Variants in WNK2 observed in about 807,000 individuals in gnomAD.
WNK2 encodes the protein WNK lysine deficient protein kinase 2, also known as serine/threonine-protein kinase WNK2.
A neutral mutation model predicts 192.1 loss-of-function variants in WNK2; 67 were observed. The ratio of observed to expected loss-of-function variants is 0.35; its 90% CI spans 0.29 to 0.43. WNK2 has a LOEUF of 0.43. WNK2 is among the 20% of genes least tolerant of loss of function. The pLI, the probability that WNK2 is intolerant of heterozygous loss-of-function variation, is 1.00. For synonymous variants in WNK2, 1,439 were observed against 1,393.9 expected, an observed-to-expected ratio of 1.03 and a Z score of -0.72; for missense variants, 2,698 against 3,089.7, an observed-to-expected ratio of 0.87 and a Z score of 3.01.
chr9:93,269,085 G>A lies in WNK2; in HGVS notation c.4033+339G>A, dbSNP rs111885613. ...TGCTCCTGTCCCTTTCCTCTGTGCC[G>A]CACACCTGCAGCAGACACGCCTCTG... On this transcript the variant is annotated intron_variant, in intron 19 of 29. Transcript: ENST00000427277. The A allele has an allele frequency of 2.0e-4, 160 of 796,040 alleles. No individual in the cohort carries two copies. The African/African-American group carries it at 2.0e-3, about 10-fold the overall frequency. The allele number at this position is 796,040 out of a possible 1,614,324, so 49.3% of individuals were successfully genotyped here.
rs761769543 is a variant in WNK2 at position 93,202,325 on chromosome 9, C to CGTGTGTGTGTGTGTGTGT, written c.681+16740_681+16757dup. 8.3e-4 allele frequency among the ~76,000 whole-genome samples: 108 copies of CGTGTGTGTGTGTGTGTGT among 130,640 alleles called. 3 individuals are homozygous for CGTGTGTGTGTGTGTGTGT. The highest frequency in any genetic ancestry group is 3.8e-3 in the Middle Eastern group (1 of 262). 85.7% of individuals were successfully genotyped at this position (130,640 alleles called of 152,430 possible). Reference sequence around the variant, plus strand: ...GGGCCTCTGCTGGGCTCCGTGTGCACGTGTGTGTGTGTGTGTGTGTGTGTG... The same window carrying CGTGTGTGTGTGTGTGTGT: ...GGGCCTCTGCTGGGCTCCGTGTGCACGTGTGTGTGTGTGTGTGTGTGTGTGTGTGTGTGTGTGTGTGTG... On this transcript the variant is annotated intron_variant, in intron 2 of 29. Transcript: ENST00000427277.
intron 23 of WNK2, among the ~76,000 whole-genome samples, chr9:93,293,917 C>G (rs527709170): frequency 6.6e-6 from 1 of 152,060 alleles, no homozygotes; most frequent in Non-Finnish European, 1.5e-5. Context: ...TCCTATCTGT[C>G]TCTCCTTTCT....
chr9:93,311,717 C>G (rs148480367), intron 28 of WNK2, among the ~76,000 whole-genome samples: 162 of 152,094 alleles, frequency 1.1e-3, no homozygotes, highest in African/African-American at 3.7e-3. Context: ...CCTCTACCCT[C>G]TAGGTTCAAG....
At chr9:93,228,309 G>A (rs921461524) in intron 2 of WNK2, among the ~76,000 whole-genome samples, 13 of 152,150 alleles carry the variant, frequency 8.5e-5, no homozygotes, top group African/African-American at 3.1e-4. Context: ...CGATCCTGCC[G>A]CCTGCTTCTC....
At chr9:93,264,633 G>A (rs1280949908) in intron 16 of WNK2, among the ~76,000 whole-genome samples, 2 of 152,196 alleles carry the variant, frequency 1.3e-5, no homozygotes, top group African/African-American at 2.4e-5. Flanking sequence ...CTGAAAGCAC[G>A]CACGAAGAAA....
chr9:93,319,075 T>C, intron 29 of WNK2: 1 of 1,613,072 alleles, frequency 6.2e-7, no homozygotes, highest in Non-Finnish European at 8.5e-7. Context: ...GCCCTGTTCC[T>C]TGAGTGAAGT....
intron 23 of WNK2, among the ~76,000 whole-genome samples, chr9:93,293,848 TTTCA>T (rs1849774340): frequency 6.6e-6 from 1 of 151,968 alleles, no homozygotes; most frequent in African/African-American, 2.4e-5. Context: ...CTCTCTCCCC[TTTCA>T]TTCCTTCTCT....
intron 9 of WNK2, among the ~76,000 whole-genome samples, chr9:93,254,634 G>A (rs1202223736): frequency 6.6e-6 from 1 of 152,210 alleles, no homozygotes; most frequent in African/African-American, 2.4e-5. Flanking sequence ...TTCACAAAAT[G>A]AAGTGAAATA....
chr9:93,304,960 C>T (rs1282429396), intron 26 of WNK2, among the ~76,000 whole-genome samples: 12 of 152,296 alleles, frequency 7.9e-5, no homozygotes, highest in Admixed American at 6.5e-4. Context: ...CAGGGTTGCT[C>T]CCTGGCTCTG....
At chr9:93,208,581 T>C (rs1190433566) in intron 2 of WNK2, among the ~76,000 whole-genome samples, 2 of 141,170 alleles carry the variant, frequency 1.4e-5, no homozygotes, top group Non-Finnish European at 3.1e-5. Context: ...GTGTATTTGG[T>C]GTGTTCTTCA....
At chr9:93,285,572 A>G (rs376831167) in intron 19 of WNK2, among the ~76,000 whole-genome samples, 1 of 152,238 alleles carries the variant, frequency 6.6e-6, no homozygotes, top group East Asian at 1.9e-4. Context: ...AGAAATTTTA[A>G]AAAGAAATGA....
At chr9:93,241,473 C>T (rs992350231) in intron 7 of WNK2, among the ~76,000 whole-genome samples, 2 of 152,210 alleles carry the variant, frequency 1.3e-5, no homozygotes, top group South Asian at 2.1e-4. Flanking sequence ...GAATACATCA[C>T]GTCTGTTGAA....
chr9:93,209,087 C>CT (rs1185382182), intron 2 of WNK2, among the ~76,000 whole-genome samples: 2 of 152,086 alleles, frequency 1.3e-5, no homozygotes, highest in East Asian at 3.9e-4. Flanking sequence ...TTGGGAATAG[C>CT]TTTTTTTCTT....
intron 9 of WNK2, 87 bp downstream of exon 9, chr9:93,253,169 G>A (rs1842830336): frequency 2.5e-6 from 3 of 1,180,336 alleles, no homozygotes; most frequent in Non-Finnish European, 3.3e-6. Context: ...GTGATGGGCT[G>A]TCCAGGCTGC....
Position 93,259,456 on chromosome 9 carries a change from C to T in WNK2, c.2908C>T (p.Pro970Ser). ...PTLPPQPVLP[P>S]QPTRPPQPVL... ...GCTGCCCCCTCAACCTGTGTTGCCCCCGCAACCCACACGGCCCCCTCAACC... is the reference window on the plus strand; with the variant it reads ...GCTGCCCCCTCAACCTGTGTTGCCCTCGCAACCCACACGGCCCCCTCAACC... Residue 970 changes from proline (P) to serine (S), a missense_variant, in exon 12 of 30, where the codon CCG (proline) becomes TCG (serine). Transcript: ENST00000427277. The surrounding 1 kb of genome is among the most constrained non-coding windows in gnomAD (Gnocchi z 4.8). The T allele has an allele frequency of 3.4e-6, 5 of 1,486,948 alleles. No individual in the cohort carries two copies. Among genetic ancestry groups the T allele is most frequent in the Non-Finnish European group, 3.6e-6 (4 of 1,121,962 alleles). 92.1% of individuals were successfully genotyped at this position (1,486,948 alleles called of 1,614,324 possible). A position where few individuals can be genotyped will look rare whatever the true frequency, so the allele number is the denominator to read the frequency against.
chr9:93,298,545 C>T (rs1229177857), intron 24 of WNK2, among the ~76,000 whole-genome samples: 2 of 152,186 alleles, frequency 1.3e-5, no homozygotes, highest in Non-Finnish European at 1.5e-5. Flanking sequence ...TGGCCCCAGG[C>T]AGCCACCAGC....
chr9:93,280,757 G>A (rs1306012626), intron 19 of WNK2, among the ~76,000 whole-genome samples: 1 of 152,138 alleles, frequency 6.6e-6, no homozygotes, highest in Non-Finnish European at 1.5e-5. Flanking sequence ...CTTGTCTACT[G>A]GCATATGTTG....
chr9:93,267,648 G>A, intron 16 of WNK2, 98 bp from the exon 17 acceptor site: 7 of 1,364,312 alleles, frequency 5.1e-6, no homozygotes, highest in Non-Finnish European at 6.9e-6. Flanking sequence ...TTCTTCCCTT[G>A]GGGCCTGGTA....
chr9:93,308,653 C>A, intron 28 of WNK2, 69 bp downstream of exon 28: 2 of 1,460,272 alleles, frequency 1.4e-6, no homozygotes, highest in Non-Finnish European at 1.8e-6. Context: ...TTTGCTAGTG[C>A]CCTGTGTGGC....
Sources: allele counts gnomAD v4.1 joint callset (sites outside exome capture counted in the v4.1 genomes callset), GRCh38; gene constraint gnomAD v4.1.1; non-coding constraint Gnocchi (gnomAD v3.1); transcripts MANE v1.5; gene names NCBI Gene and HGNC (gene_info 2026-07-23, HGNC 2026-07-21).